The following OR51B5 variants were observed in gnomAD, a reference collection of about 807,000 sequenced individuals.
OR51B5 encodes the protein olfactory receptor family 51 subfamily B member 5.
For synonymous variants in OR51B5, 186 were observed against 144.8 expected, an observed-to-expected ratio of 1.28 and a Z score of -2.04; for missense variants, 456 against 374.6, an observed-to-expected ratio of 1.22 and a Z score of -1.79.
At chr11:5,407,237 T>C (rs1487205035) in intron 1 of OR51B5, among the ~76,000 whole-genome samples, 1 of 152,170 alleles carries the variant, frequency 6.6e-6, no homozygotes, top group Non-Finnish European at 1.5e-5. Flanking sequence ...CTTTTATCTA[T>C]GAATATTCTA....
intron 1 of OR51B5, among the ~76,000 whole-genome samples, chr11:5,473,725 A>T (rs552716887): frequency 6.6e-6 from 1 of 152,332 alleles, no homozygotes; most frequent in Admixed American, 6.5e-5. Flanking sequence ...TTATAAATAT[A>T]TGTGTGTAAT....
At chr11:5,435,088 T>A (rs1850575016) in intron 1 of OR51B5, among the ~76,000 whole-genome samples, 1 of 152,192 alleles carries the variant, frequency 6.6e-6, no homozygotes, top group Admixed American at 6.5e-5. Context: ...CAAAAGGCTA[T>A]ATATTCAGTG....
chr11:5,398,319 AGGTTCTCTGG>A, intron 1 of OR51B5, among the ~76,000 whole-genome samples: 1 of 152,348 alleles, frequency 6.6e-6, no homozygotes, highest in Middle Eastern at 3.4e-3. Context: ...TGTTTCCCTT[AGGTTCTCTGG>A]ATATTGAGAG....
chr11:5,343,235 G>A (rs533818406), exon 1 of OR51B5: 1 of 1,613,620 alleles, frequency 6.2e-7, no homozygotes, highest in South Asian at 1.1e-5. Context: ...GTAGGCCTGG[G>A]AAAAGCAGGC....
upstream of OR51B5, chr11:5,345,840 G>A (rs1848981834): frequency 6.6e-6 from 1 of 152,178 alleles, no homozygotes; most frequent in Admixed American, 6.5e-5. Context: ...AACTGGGCGT[G>A]AGGCAACAAC....
At chr11:5,468,130 T>C (rs1294159927) in intron 1 of OR51B5, among the ~76,000 whole-genome samples, 1 of 152,258 alleles carries the variant, frequency 6.6e-6, no homozygotes, top group Admixed American at 6.5e-5. Flanking sequence ...ATAATCTACA[T>C]TATAACATTA....
chr11:5,449,906 T>C (rs1465512181), intron 1 of OR51B5, among the ~76,000 whole-genome samples: 2 of 152,238 alleles, frequency 1.3e-5, no homozygotes, highest in East Asian at 3.8e-4. Flanking sequence ...TCATTCTTTA[T>C]TATCCATGAT....
At chr11:5,422,649 T>C in intron 1 of OR51B5, 1 of 1,614,132 alleles carries the variant, frequency 6.2e-7, no homozygotes, top group Non-Finnish European at 8.5e-7. Flanking sequence ...GGGTTAGCCA[T>C]CATTTGCTGC....
chr11:5,408,531 G>A (rs1850096739), intron 1 of OR51B5, among the ~76,000 whole-genome samples: 1 of 152,100 alleles, frequency 6.6e-6, no homozygotes, highest in South Asian at 2.1e-4. Context: ...AGTCATTCAT[G>A]ACATCCAATT....
At position 5,478,763 on chromosome 11, in the gene OR51B5, A is replaced by G. The variant is rs1469231718; in HGVS notation, n.84+26806T>C. On this transcript the variant is annotated intron_variant and non_coding_transcript_variant, in intron 1 of 4. Coordinates refer to the OR51B5 transcript ENST00000415970. ...ATCAACTGGAAGAAAGGGTATGAGC[A>G]ATGGAAGATGAAATGAATGAAATGA... Among the ~76,000 whole-genome samples, 560 of 150,470 alleles carry G rather than the reference A, an allele frequency of 3.7e-3. 5 individuals are homozygous for G. The highest frequency in any genetic ancestry group is 0.013 in the African/African-American group (525 of 40,050).
rs559041323 is a variant in OR51B5, at chr11:5,432,349, C to T, written n.84+73220G>A. On this transcript the variant is annotated intron_variant and non_coding_transcript_variant, in intron 1 of 4. Coordinates refer to the OR51B5 transcript ENST00000415970. ...GAAACTTTGGAATAAATAAATCAGA[C>T]CTGAGCCAAAATCCATACTCAGCCA... Among the ~76,000 whole-genome samples, 143 of 151,300 alleles carry T rather than the reference C, an allele frequency of 9.5e-4. 1 individual carries two copies. The East Asian group carries it at 0.011, about 11-fold the overall frequency.
At position 5,427,219 on chromosome 11, in the gene OR51B5, C is replaced by T. The variant is rs147388619; in HGVS notation, n.84+78350G>A. Among the ~76,000 whole-genome samples, 11 of 152,328 alleles carry T rather than the reference C, an allele frequency of 7.2e-5. No individual in the cohort carries two copies. The East Asian group carries it at 1.9e-3, about 27-fold the overall frequency. The stretch of plus-strand genomic sequence containing the variant: ...AGTTTCATATTTTATGTGGCTCCCA[C>T]GCATATGCACATTAATAAATTCATA... On this transcript the variant is annotated intron_variant and non_coding_transcript_variant, in intron 1 of 4. Coordinates refer to the OR51B5 transcript ENST00000415970.
chr11:5,353,954 C>T (rs77274444), intron 1 of OR51B5, among the ~76,000 whole-genome samples: 10,699 of 109,950 alleles, frequency 0.097, 441 homozygotes, highest in South Asian at 0.13. Context: ...GTTTGTTTTA[C>T]TCAACTTGGC....
rs1171396838 is a variant in OR51B5, at chr11:5,480,398, G to T, written n.84+25171C>A. Among the ~76,000 whole-genome samples the T allele has an allele frequency of 4.0e-5, 6 of 151,858 alleles. 1 individual carries two copies. Among genetic ancestry groups the T allele is most frequent in the Non-Finnish European group, 8.8e-5 (6 of 67,986 alleles). On this transcript the variant is annotated intron_variant and non_coding_transcript_variant, in intron 1 of 4. Transcript: ENST00000415970. ...CTTATAGCACTAAAGGCCCACAAGA[G>T]AAAGCAGGAAAGATCCAAAATTGAC...
chr11:5,453,775 C>T (rs367656709), intron 1 of OR51B5: 14 of 1,614,178 alleles, frequency 8.7e-6, no homozygotes, highest in Non-Finnish European at 1.1e-5. Context: ...ACTTTTGATG[C>T]CTGTCTAATT....
At chr11:5,416,361 T>G (rs1238892873) in intron 1 of OR51B5, among the ~76,000 whole-genome samples, 3 of 151,874 alleles carry the variant, frequency 2.0e-5, no homozygotes, top group Admixed American at 1.3e-4. Flanking sequence ...CTTTGAAAAC[T>G]GGCACAAGAC....
At chr11:5,455,587 GAGAGAA>G (rs1850942867) in intron 1 of OR51B5, 3 of 146,934 alleles carry the variant, frequency 2.0e-5, no homozygotes, top group Admixed American at 1.3e-4. Flanking sequence ...GAAAGAGAAA[GAGAGAA>G]AGAGAAAAAG....
chr11:5,449,593 T>C (rs920151481), intron 1 of OR51B5, among the ~76,000 whole-genome samples: 2 of 152,208 alleles, frequency 1.3e-5, no homozygotes, highest in Non-Finnish European at 2.9e-5. Flanking sequence ...AAGCGATTCA[T>C]TGAGTCCTTA....
At chr11:5,383,183 G>T (rs953338254) in intron 1 of OR51B5, among the ~76,000 whole-genome samples, 1 of 152,130 alleles carries the variant, frequency 6.6e-6, no homozygotes, top group South Asian at 2.1e-4. Flanking sequence ...CTCATTGAAG[G>T]AAAGTCCAGT....
Sources: allele counts gnomAD v4.1 joint callset (sites outside exome capture counted in the v4.1 genomes callset), GRCh38; gene constraint gnomAD v4.1.1; transcripts MANE v1.5; gene names NCBI Gene and HGNC (gene_info 2026-07-23, HGNC 2026-07-21).